Variants in TOGARAM2 observed in about 807,000 individuals in gnomAD.
TOGARAM2 encodes the protein TOG array regulator of axonemal microtubules 2.
TOGARAM2 carries 85 observed loss-of-function variants against 93.3 expected under a neutral mutation model. The ratio of observed to expected loss-of-function variants is 0.91; its 90% CI spans 0.76 to 1.09. TOGARAM2 has a LOEUF of 1.09. Ranked by LOEUF, TOGARAM2 falls within the 50% of genes least tolerant of loss-of-function variation. TOGARAM2 has a pLI of 0.00. For synonymous variants in TOGARAM2, 593 were observed against 552.8 expected, an observed-to-expected ratio of 1.07 and a Z score of -1.02; for missense variants, 1,277 against 1,334.5, an observed-to-expected ratio of 0.96 and a Z score of 0.67.
intron 19 of TOGARAM2, 146 bp downstream of exon 19, chr2:29,045,556 G>T (rs774275067): frequency 2.8e-6 from 2 of 708,740 alleles, no homozygotes; most frequent in Non-Finnish European, 5.0e-6. Context: ...CTTTTTTTGT[G>T]TGTGACAATC....
At position 29,045,341 on chromosome 2, in the gene TOGARAM2, C is replaced by T. The variant is rs367841508; in HGVS notation, c.2653C>T (p.Pro885Ser). The T allele has an allele frequency of 4.3e-5, 69 of 1,613,468 alleles. No homozygotes were observed. The highest frequency in any genetic ancestry group is 5.6e-5 in the Non-Finnish European group (66 of 1,179,884). Residue 885 changes from proline (P) to serine (S), a missense_variant, in exon 19 of 20, where the codon CCA becomes TCA. Transcript: ENST00000379558. ...VESLDNLCLL[P>S]ALAGRVRFLS... is the part of the protein sequence containing the mutation. ...TCTTTCAGACAACCTTTGCCTTCTA[C>T]CAGCGCTTGCTGGGCGAGTGCGTTT...
intron 6 of TOGARAM2, among the ~76,000 whole-genome samples, chr2:29,009,036 T>A (rs1664054059): frequency 6.6e-6 from 1 of 152,216 alleles, no homozygotes; most frequent in Non-Finnish European, 1.5e-5. Context: ...AAGCACCTAC[T>A]ATGTGCCAGG....
intron 1 of TOGARAM2, among the ~76,000 whole-genome samples, chr2:28,990,988 A>G (rs1392623441): frequency 7.4e-5 from 4 of 54,176 alleles, no homozygotes; most frequent in Admixed American, 2.0e-4. Context: ...TGTGTGTGTG[A>G]AGGGTGTGTG....
chr2:29,040,994 A>G (rs928007931), intron 18 of TOGARAM2, among the ~76,000 whole-genome samples: 45 of 151,112 alleles, frequency 3.0e-4, no homozygotes, highest in Admixed American at 5.9e-4. Flanking sequence ...TCATAGCATA[A>G]GCATTTGCAG....
At chr2:29,005,343 GT>G (rs1673659066) in intron 6 of TOGARAM2, among the ~76,000 whole-genome samples, 1 of 14,206 alleles carries the variant, frequency 7.0e-5, no homozygotes, top group Non-Finnish European at 5.1e-4. Context: ...GACCGTGTGT[GT>G]GCATGTGTGG....
chr2:29,009,004 G>A (rs11684978), intron 6 of TOGARAM2, among the ~76,000 whole-genome samples: 34,591 of 152,164 alleles, frequency 0.23, 4,067 homozygotes, highest in Middle Eastern at 0.29. Flanking sequence ...CCATCTGTCC[G>A]TTTACTCACC....
At chr2:28,957,410 A>G (rs1671737751) in intron 1 of TOGARAM2, among the ~76,000 whole-genome samples, 1 of 152,060 alleles carries the variant, frequency 6.6e-6, no homozygotes. Flanking sequence ...CCAACTCCTG[A>G]CCTCAGGTGA....
At chr2:29,042,769 C>G (rs1478423216) in intron 18 of TOGARAM2, among the ~76,000 whole-genome samples, 1 of 152,186 alleles carries the variant, frequency 6.6e-6, no homozygotes, top group African/African-American at 2.4e-5. Flanking sequence ...TTCTCTCTTA[C>G]AGGGGGCAGT....
chr2:29,005,135 ATGTGTG>A (rs1296700047), intron 6 of TOGARAM2, among the ~76,000 whole-genome samples: 1 of 118,034 alleles, frequency 8.5e-6, no homozygotes, highest in Non-Finnish European at 1.6e-5. Context: ...GTGCATGTGT[ATGTGTG>A]TGAGTGCATG....
At chr2:29,007,418 C>G (rs1242555282) in intron 6 of TOGARAM2, among the ~76,000 whole-genome samples, 1 of 152,106 alleles carries the variant, frequency 6.6e-6, no homozygotes, top group Admixed American at 6.5e-5. Context: ...TCATCTTTGA[C>G]CCTTGCTCCT....
At chr2:29,025,819 C>T (rs1471855770) in intron 13 of TOGARAM2, among the ~76,000 whole-genome samples, 2 of 152,206 alleles carry the variant, frequency 1.3e-5, no homozygotes, top group African/African-American at 4.8e-5. Context: ...CCATGAATCC[C>T]TCTTCTCCCT....
chr2:28,962,803 C>T (rs919240259), intron 1 of TOGARAM2, among the ~76,000 whole-genome samples: 2 of 131,338 alleles, frequency 1.5e-5, no homozygotes, highest in African/African-American at 5.6e-5. Context: ...CTCCCCTTCC[C>T]TCCCCTTCCC....
At chr2:29,008,984 T>C (rs1220765635) in intron 6 of TOGARAM2, among the ~76,000 whole-genome samples, 1 of 152,194 alleles carries the variant, frequency 6.6e-6, no homozygotes, top group Non-Finnish European at 1.5e-5. Context: ...TCTATTACCA[T>C]TTCAGTCATC....
intron 3 of TOGARAM2, 61 bp downstream of exon 3, chr2:28,998,314 G>A: frequency 1.6e-6 from 2 of 1,212,224 alleles, no homozygotes; most frequent in East Asian, 5.2e-5. Flanking sequence ...CGGGGAGTGA[G>A]TGTGGTAGAT....
At chr2:29,037,366 G>A (rs1050286566) in intron 18 of TOGARAM2, among the ~76,000 whole-genome samples, 13 of 152,208 alleles carry the variant, frequency 8.5e-5, no homozygotes, top group African/African-American at 3.1e-4. Flanking sequence ...GGAGAAAGTA[G>A]CACATGAGTA....
intron 1 of TOGARAM2, among the ~76,000 whole-genome samples, chr2:28,994,408 AAC>A (rs1324694429): frequency 1.3e-5 from 2 of 152,192 alleles, no homozygotes; most frequent in Non-Finnish European, 2.9e-5. Flanking sequence ...CTGATGGAGA[AAC>A]ACAGTGTCAG....
At chr2:29,000,401 C>T (rs1673224931) in intron 4 of TOGARAM2, among the ~76,000 whole-genome samples, 1 of 152,108 alleles carries the variant, frequency 6.6e-6, no homozygotes, top group African/African-American at 2.4e-5. Flanking sequence ...TCGATTTCCT[C>T]CTCTGTGGAA....
intron 17 of TOGARAM2, among the ~76,000 whole-genome samples, chr2:29,036,317 C>G (rs193206500): frequency 2.4e-4 from 36 of 152,312 alleles, no homozygotes; most frequent in African/African-American, 8.4e-4. Context: ...GCCCTGGACA[C>G]TTGGCATGCA....
intron 13 of TOGARAM2, among the ~76,000 whole-genome samples, 195 bp downstream of exon 13, chr2:29,024,569 C>T (rs1665213634): frequency 6.6e-6 from 1 of 152,082 alleles, no homozygotes; most frequent in South Asian, 2.1e-4. Context: ...AAGAAGGGGC[C>T]CATCTCAGAC....
Sources: allele counts gnomAD v4.1 joint callset (sites outside exome capture counted in the v4.1 genomes callset), GRCh38; gene constraint gnomAD v4.1.1; transcripts MANE v1.5; gene names NCBI Gene and HGNC (gene_info 2026-07-23, HGNC 2026-07-21).